Variants in SLC1A3 observed in about 807,000 individuals in gnomAD.
The protein encoded by SLC1A3 is excitatory amino acid transporter 1.
In SLC1A3, 21 loss-of-function variants were observed where a neutral mutation model predicts 48.1. The ratio of observed to expected loss-of-function variants is 0.44; its 90% CI spans 0.31 to 0.63. SLC1A3 has a LOEUF of 0.63. Ranked by LOEUF, SLC1A3 falls within the 20% of genes least tolerant of loss-of-function variation. SLC1A3 has a pLI of 0.08. For missense variants in SLC1A3, 546 were observed against 689.0 expected (o/e 0.79, Z 2.32); for synonymous variants, 239 against 251.4 (o/e 0.95, Z 0.47).
chr5:36,652,217 G>A lies in SLC1A3; in HGVS notation c.320-18812G>A, dbSNP rs569129402. The stretch of plus-strand genomic sequence containing the variant: ...GTTGAAAGCAGTGAGTGTTACATGA[G>A]AGTTTTCTGATTGCCAGCTAGTTTG... On this transcript the variant is annotated intron_variant, in intron 3 of 9. Coordinates refer to ENST00000265113, the MANE Select transcript of SLC1A3 (RefSeq NM_004172.5). Among the ~76,000 whole-genome samples, 17 of 152,310 alleles carry A rather than the reference G, an allele frequency of 1.1e-4. No individual in the cohort carries two copies. The South Asian group carries it at 3.5e-3, about 32-fold the overall frequency.
At chr5:36,608,821 C>T (rs1008031598) in intron 2 of SLC1A3, 1 of 1,322,118 alleles carries the variant, frequency 7.6e-7, no homozygotes, top group Non-Finnish European at 9.6e-7. Flanking sequence ...AGGCATTATG[C>T]AAATCAATTG....
upstream of SLC1A3, among the ~76,000 whole-genome samples, chr5:36,604,910 G>GC (rs1738868074): frequency 1.5e-5 from 1 of 67,728 alleles, no homozygotes; most frequent in Admixed American, 2.2e-4. Flanking sequence ...AAGCGGTGGG[G>GC]GGGGGGGGTG....
rs773243452 is a variant in SLC1A3 at position 36,679,810 on chromosome 5, T to C, written c.1044T>C (p.Phe348=). Reference sequence around the variant, plus strand: ...TAACACGGAAAAACCCTTGGGTTTTTATTGGAGGGTTGCTGCAAGCACTCA... The same window carrying C: ...TAACACGGAAAAACCCTTGGGTTTTCATTGGAGGGTTGCTGCAAGCACTCA... ...FLVTRKNPWV[F]IGGLLQALIT... The change falls in exon 7 of 10, where the codon TTT becomes TTC. Residue 348 remains phenylalanine (F), a synonymous_variant. Transcript: ENST00000265113. 6.2e-7 allele frequency: 1 copy of C among 1,614,190 alleles called. No homozygotes were observed. Among genetic ancestry groups the C allele is most frequent in the Admixed American group, 1.7e-5 (1 of 60,028 alleles).
intron 2 of SLC1A3, among the ~76,000 whole-genome samples, chr5:36,617,518 T>G (rs1024432325): frequency 6.8e-6 from 1 of 146,236 alleles, no homozygotes; most frequent in African/African-American, 2.5e-5. Context: ...AAAAAGAAAG[T>G]ATCTTATTGA....
At chr5:36,652,671 C>A (rs992714816) in intron 3 of SLC1A3, among the ~76,000 whole-genome samples, 3 of 152,122 alleles carry the variant, frequency 2.0e-5, no homozygotes, top group African/African-American at 7.2e-5. Context: ...AGAAAGTAAC[C>A]CAATATATCT....
chr5:36,654,710 G>C (rs145958029), intron 3 of SLC1A3, among the ~76,000 whole-genome samples: 1 of 152,130 alleles, frequency 6.6e-6, no homozygotes, highest in African/African-American at 2.4e-5. Flanking sequence ...TGTGCTCTGC[G>C]TCATGCAGGG....
At chr5:36,608,719 C>G in intron 2 of SLC1A3, 115 bp downstream of exon 2, 1 of 1,525,466 alleles carries the variant, frequency 6.6e-7, no homozygotes, top group Non-Finnish European at 8.7e-7. Context: ...GTAGCCTAGG[C>G]TTTCCTCTGA....
At chr5:36,636,463 T>TTTTATTTCTTTC (rs1554041158) in intron 3 of SLC1A3, 1 of 68,598 alleles carries the variant, frequency 1.5e-5, no homozygotes, top group Non-Finnish European at 2.8e-5. Context: ...TCTTTCTTTC[T>TTTTATTTCTTTC]TTTCTTTCTT....
intron 3 of SLC1A3, among the ~76,000 whole-genome samples, chr5:36,632,221 AG>A (rs1740161657): frequency 1.3e-5 from 2 of 152,348 alleles, no homozygotes; most frequent in South Asian, 4.1e-4. Flanking sequence ...GTTTTTCAAG[AG>A]TATCCAGAAA....
intron 3 of SLC1A3, among the ~76,000 whole-genome samples, chr5:36,639,988 G>T (rs1305593564): frequency 6.6e-6 from 1 of 152,150 alleles, no homozygotes; most frequent in Non-Finnish European, 1.5e-5. Context: ...AAAAGATGCT[G>T]GAGTTTCTGC....
chr5:36,597,592 G>A (rs1425222842), intron 1 of SLC1A3, among the ~76,000 whole-genome samples: 1 of 152,108 alleles, frequency 6.6e-6, no homozygotes, highest in Non-Finnish European at 1.5e-5. Flanking sequence ...TGTCAAGAAA[G>A]CAAGGGATAC....
intron 2 of SLC1A3, among the ~76,000 whole-genome samples, chr5:36,619,188 G>C (rs1739566613): frequency 6.6e-6 from 1 of 152,178 alleles, no homozygotes; most frequent in South Asian, 2.1e-4. Context: ...CCAAGGATGT[G>C]GAAACAGAGG....
At chr5:36,606,252 C>A (rs1738935248), upstream of SLC1A3, 1 of 152,222 alleles carries the variant, frequency 6.6e-6, no homozygotes, top group South Asian at 2.1e-4. Flanking sequence ...CCTCGTCTTC[C>A]CTGAAAGGGA....
At chr5:36,621,092 GA>G (rs986397096) in intron 2 of SLC1A3, among the ~76,000 whole-genome samples, 2 of 152,170 alleles carry the variant, frequency 1.3e-5, no homozygotes, top group Non-Finnish European at 2.9e-5. Flanking sequence ...TTTTAGTAGA[GA>G]GGGGGTTTCA....
At chr5:36,663,820 T>C (rs2111896839) in intron 3 of SLC1A3, among the ~76,000 whole-genome samples, 1 of 152,342 alleles carries the variant, frequency 6.6e-6, no homozygotes, top group Middle Eastern at 3.4e-3. Context: ...TGACTGTGAA[T>C]TCTGCAAAAT....
At chr5:36,662,849 G>A (rs933303916) in intron 3 of SLC1A3, among the ~76,000 whole-genome samples, 12 of 152,214 alleles carry the variant, frequency 7.9e-5, no homozygotes, top group African/African-American at 2.9e-4. Flanking sequence ...CAAGACCAGC[G>A]TAGACAGAAA....
intron 4 of SLC1A3, among the ~76,000 whole-genome samples, chr5:36,673,306 T>C (rs908773942): frequency 1.3e-5 from 2 of 152,180 alleles, no homozygotes; most frequent in Non-Finnish European, 2.9e-5. Context: ...GCTCTAATGA[T>C]AGTTTAATCC....
chr5:36,669,438 G>C (rs1429685459), intron 3 of SLC1A3: 1 of 152,214 alleles, frequency 6.6e-6, no homozygotes, highest in Admixed American at 6.5e-5. Flanking sequence ...CAAAGCCAAA[G>C]CTGGCCTCCT....
chr5:36,683,965 A>T lies in SLC1A3; in HGVS notation c.1391A>T (p.Asp464Val). 6.2e-7 allele frequency: 1 copy of T among 1,614,162 alleles called. No individual in the cohort carries two copies. The highest frequency in any genetic ancestry group is 8.5e-7 in the Non-Finnish European group (1 of 1,180,034). ...ACATCTGTCGGCCTGCCCACTGACG[A>T]CATCACGCTCATCATCGCGGTGGAC... Reference protein sequence around the residue: ...VLTSVGLPTDDITLIIAVDWF... With the variant: ...VLTSVGLPTDVITLIIAVDWF... Residue 464 changes from aspartate to valine, a missense_variant, in exon 9 of 10, where the codon GAC becomes GTC. Asp to Val is a radical substitution (Grantham distance 152). Coordinates refer to ENST00000265113, the MANE Select transcript of SLC1A3 (RefSeq NM_004172.5).
Sources: allele counts gnomAD v4.1 joint callset (sites outside exome capture counted in the v4.1 genomes callset), GRCh38; gene constraint gnomAD v4.1.1; transcripts MANE v1.5; gene names NCBI Gene and HGNC (gene_info 2026-07-23, HGNC 2026-07-21).